The following TMEM131L variants were observed in gnomAD, a reference collection of about 807,000 sequenced individuals.
TMEM131L encodes transmembrane protein 131-like.
TMEM131L carries 54 observed loss-of-function variants against 192.2 expected under a neutral mutation model. That is an observed-to-expected ratio of 0.28 (90% CI 0.23 to 0.35). The LOEUF is 0.35. TMEM131L is among the 10% of genes least tolerant of loss of function. The probability of loss-of-function intolerance (pLI) is 1.00; values close to 1 mark genes in which losing one functional copy is unlikely to be tolerated. For missense variants in TMEM131L, 1,888 were observed against 1,972.9 expected, an observed-to-expected ratio of 0.96 and a Z score of 0.82; for synonymous variants, 701 against 704.9, an observed-to-expected ratio of 0.99 and a Z score of 0.09.
intron 3 of TMEM131L, among the ~76,000 whole-genome samples, chr4:153,504,655 A>T (rs186172567): frequency 6.6e-6 from 1 of 152,138 alleles, no homozygotes; most frequent in Non-Finnish European, 1.5e-5. Flanking sequence ...TGTAATATAA[A>T]TTTTCTTATA....
intron 3 of TMEM131L, among the ~76,000 whole-genome samples, chr4:153,484,142 T>C (rs1732140738): frequency 6.6e-6 from 1 of 152,204 alleles, no homozygotes; most frequent in Non-Finnish European, 1.5e-5. Context: ...TTAAGTGAAT[T>C]GTCACCAGAG....
At chr4:153,551,111 G>T (rs1737586509) in intron 4 of TMEM131L, among the ~76,000 whole-genome samples, 1 of 152,198 alleles carries the variant, frequency 6.6e-6, no homozygotes, top group Non-Finnish European at 1.5e-5. Context: ...CTTCTAATTA[G>T]TAGTTTCAAG....
intron 28 of TMEM131L, 129 bp downstream of exon 28, chr4:153,621,978 C>A: frequency 1.1e-6 from 1 of 890,606 alleles, no homozygotes; most frequent in Non-Finnish European, 1.7e-6. Flanking sequence ...ATAACTAAAG[C>A]CCCAGTGGAA....
At chr4:153,572,637 G>C (rs1051564394) in intron 7 of TMEM131L, among the ~76,000 whole-genome samples, 3 of 151,988 alleles carry the variant, frequency 2.0e-5, no homozygotes, top group African/African-American at 7.2e-5. Flanking sequence ...GGCCCAGTTT[G>C]GTTATTTTAA....
chr4:153,486,774 ACCCACGCCTGT>A (rs1732365837), intron 3 of TMEM131L, among the ~76,000 whole-genome samples: 2 of 152,118 alleles, frequency 1.3e-5, no homozygotes, highest in African/African-American at 2.4e-5. Context: ...CCACTCACCC[ACCCACGCCTGT>A]GGAGTGGTGG....
At chr4:153,613,684 T>A (rs1356892780) in intron 26 of TMEM131L, among the ~76,000 whole-genome samples, 1 of 152,220 alleles carries the variant, frequency 6.6e-6, no homozygotes, top group Non-Finnish European at 1.5e-5. Context: ...CCTAGTGTTA[T>A]AAATTATTCC....
At chr4:153,614,718 A>G (rs372513694) in intron 26 of TMEM131L, among the ~76,000 whole-genome samples, 4 of 30,652 alleles carry the variant, frequency 1.3e-4, no homozygotes, top group Non-Finnish European at 3.2e-4. Context: ...ATCATTCTCA[A>G]TGTTTTGGCA....
At position 153,632,949 on chromosome 4, in the gene TMEM131L, C is replaced by T; in HGVS notation, c.4328+111C>T. ...ACAAAAATGAAGGCTAGGCTTCTTC[C>T]TTGGTGTACTTTAGCTGTGCGTTTC... On this transcript the variant is annotated intron_variant, in intron 32 of 34. Coordinates refer to ENST00000409959, the MANE Select transcript of TMEM131L (RefSeq NM_001131007.2). 2.3e-6 allele frequency: 3 copies of T among 1,276,712 alleles called. 1 individual carries two copies. In the South Asian group the frequency reaches 4.2e-5, roughly 18 times the overall value. 79.1% of individuals were successfully genotyped at this position (1,276,712 alleles called of 1,614,324 possible).
chr4:153,555,596 T>C lies in TMEM131L; in HGVS notation c.309-191T>C, dbSNP rs1398950044. The stretch of plus-strand genomic sequence containing the variant: ...CTTATAAAATAAAGTTGTTTTTTGT[T>C]TTATGACTTTTGACTGTTGTGAATT... On this transcript the variant is annotated intron_variant, in intron 4 of 34. Transcript: ENST00000409959. This position sits in a 1 kb window ranked among gnomAD's most constrained non-coding sequence, Gnocchi z 4.1. 6.6e-6 allele frequency among the ~76,000 whole-genome samples: 1 copy of C among 152,194 alleles called. No homozygotes were observed. The highest frequency in any genetic ancestry group is 1.5e-5 in the Non-Finnish European group (1 of 68,038).
intron 3 of TMEM131L, among the ~76,000 whole-genome samples, chr4:153,537,928 T>C (rs954895839): frequency 2.5e-4 from 38 of 152,216 alleles, no homozygotes; most frequent in African/African-American, 9.2e-4. Context: ...GGAAGCAAGA[T>C]GCAACTTTCC....
At chr4:153,474,947 G>A (rs10004814) in intron 3 of TMEM131L, among the ~76,000 whole-genome samples, 2,248 of 152,226 alleles carry the variant, frequency 0.015, 53 homozygotes, top group African/African-American at 0.051. Flanking sequence ...CACTCTAAGT[G>A]GTGTATAAGT....
intron 3 of TMEM131L, among the ~76,000 whole-genome samples, chr4:153,505,402 A>T (rs1733921738): frequency 6.6e-6 from 1 of 151,996 alleles, no homozygotes; most frequent in Admixed American, 6.6e-5. Context: ...CACCTTGCCC[A>T]GCCCTCAACT....
chr4:153,542,827 A>G (rs916707856), intron 3 of TMEM131L, among the ~76,000 whole-genome samples: 1 of 152,178 alleles, frequency 6.6e-6, no homozygotes, highest in Admixed American at 6.5e-5. Context: ...AGGGCAGGAC[A>G]GGGGGCTGTG....
rs909345264 is a variant in TMEM131L at position 153,504,122 on chromosome 4, A to G, written c.239+30234A>G. 4.0e-5 allele frequency among the ~76,000 whole-genome samples: 6 copies of G among 151,348 alleles called. No individual in the cohort carries two copies. In the East Asian group the frequency reaches 1.2e-3, roughly 29 times the overall value. On this transcript the variant is annotated intron_variant, in intron 3 of 34. Transcript: ENST00000409959. ...GCTGGGACTACAGGCGCCCGCCACC[A>G]CGCCCGGCTAATTTTTTTTGTATTT...
At chr4:153,627,545 T>A in intron 30 of TMEM131L, 60 bp from the exon 31 acceptor site, 1 of 1,273,088 alleles carries the variant, frequency 7.9e-7, no homozygotes, top group Non-Finnish European at 1.1e-6. Context: ...GGTTATACAA[T>A]ATCAGTATTT....
At chr4:153,595,495 A>C (rs1328757047) in intron 19 of TMEM131L, among the ~76,000 whole-genome samples, 1 of 152,170 alleles carries the variant, frequency 6.6e-6, no homozygotes, top group Non-Finnish European at 1.5e-5. Context: ...TTCAGATGGC[A>C]TGGGTAACAC....
chr4:153,486,839 G>A (rs1263018043), intron 3 of TMEM131L, among the ~76,000 whole-genome samples: 4 of 152,272 alleles, frequency 2.6e-5, no homozygotes, highest in African/African-American at 9.6e-5. Context: ...GTCATAGGGA[G>A]CACAACCCGG....
At chr4:153,489,269 C>G (rs1009598305) in intron 3 of TMEM131L, among the ~76,000 whole-genome samples, 3 of 152,142 alleles carry the variant, frequency 2.0e-5, no homozygotes, top group African/African-American at 7.2e-5. Flanking sequence ...CACTGTGAAG[C>G]TTCCTTCCTG....
chr4:153,532,982 TTC>T (rs1166569232), intron 3 of TMEM131L, among the ~76,000 whole-genome samples: 2 of 148,882 alleles, frequency 1.3e-5, no homozygotes, highest in African/African-American at 5.1e-5. Context: ...TCTTTCTCAA[TTC>T]TTTTTTTTTT....
Sources: allele counts gnomAD v4.1 joint callset (sites outside exome capture counted in the v4.1 genomes callset), GRCh38; gene constraint gnomAD v4.1.1; non-coding constraint Gnocchi (gnomAD v3.1); transcripts MANE v1.5; gene names NCBI Gene and HGNC (gene_info 2026-07-23, HGNC 2026-07-21).